NKAIN2: variants seen among roughly 807,000 people sequenced by gnomAD.
The protein encoded by NKAIN2 is sodium/potassium transporting ATPase interacting 2, also known as sodium/potassium-transporting ATPase subunit beta-1-interacting protein 2.
A neutral mutation model predicts 32.6 loss-of-function variants in NKAIN2; 14 were observed. That is an observed-to-expected ratio of 0.43 (90% CI 0.28 to 0.67). The LOEUF (loss-of-function observed/expected upper bound fraction) is 0.67. Among genes scored for constraint, NKAIN2 ranks in the 30% least tolerant of loss-of-function variants. The probability of loss-of-function intolerance (pLI) is 0.17; values close to 1 mark genes in which losing one functional copy is unlikely to be tolerated. For missense variants in NKAIN2, 198 were observed against 258.3 expected, an observed-to-expected ratio of 0.77 and a Z score of 1.60; for synonymous variants, 80 against 87.2, an observed-to-expected ratio of 0.92 and a Z score of 0.46.
intron 1 of NKAIN2, among the ~76,000 whole-genome samples, chr6:124,210,753 G>A (rs952645128): frequency 6.6e-6 from 1 of 150,588 alleles, no homozygotes; most frequent in Non-Finnish European, 1.5e-5. Context: ...ATTGACCACT[G>A]CTGGCATATA....
intron 1 of NKAIN2, among the ~76,000 whole-genome samples, chr6:124,057,008 A>C (rs1782685195): frequency 6.6e-6 from 1 of 152,084 alleles, no homozygotes; most frequent in African/African-American, 2.4e-5. Flanking sequence ...ATACCTTCCA[A>C]TTAATTTGTT....
chr6:124,533,988 A>G (rs1779623093), intron 3 of NKAIN2, among the ~76,000 whole-genome samples: 1 of 152,130 alleles, frequency 6.6e-6, no homozygotes, highest in African/African-American at 2.4e-5. Flanking sequence ...TCACCTCCCA[A>G]AGATCCACTT....
Position 124,134,940 on chromosome 6 carries a change from A to G in NKAIN2, c.55-148065A>G, listed in dbSNP as rs552715605. Among the ~76,000 whole-genome samples, 154 of 152,302 alleles carry G rather than the reference A, an allele frequency of 1.0e-3. 1 individual carries two copies. Among genetic ancestry groups the G allele is most frequent in the Non-Finnish European group, 1.9e-3 (128 of 68,024 alleles). On this transcript the variant is annotated intron_variant, in intron 1 of 6. Coordinates refer to ENST00000368417, the MANE Select transcript of NKAIN2 (RefSeq NM_001040214.3). ...AAGGAAACCCTATCAGATTAACCGC[A>G]GATTTCTAGGCAGAAGTCCTAAAGT...
At chr6:124,295,474 T>G (rs73773720) in intron 2 of NKAIN2, among the ~76,000 whole-genome samples, 2,082 of 152,262 alleles carry the variant, frequency 0.014, 36 homozygotes, top group African/African-American at 0.047. Context: ...TCTAGAATAA[T>G]GGCTTGAACC....
chr6:123,895,948 C>G (rs1774259441), intron 1 of NKAIN2, among the ~76,000 whole-genome samples: 1 of 152,188 alleles, frequency 6.6e-6, no homozygotes, highest in Non-Finnish European at 1.5e-5. Context: ...TAAATCATCT[C>G]AAGCTGCTGC....
chr6:123,917,075 T>C (rs1354329256), intron 1 of NKAIN2, among the ~76,000 whole-genome samples: 1 of 152,134 alleles, frequency 6.6e-6, no homozygotes, highest in Admixed American at 6.6e-5. Flanking sequence ...TTAGAACATG[T>C]GGAGCTTTTG....
chr6:124,574,006 T>G (rs1196884414), intron 3 of NKAIN2, among the ~76,000 whole-genome samples: 2 of 152,128 alleles, frequency 1.3e-5, no homozygotes, highest in African/African-American at 4.8e-5. Flanking sequence ...TTCCTTCTGC[T>G]TGGATAAAAA....
At chr6:123,956,969 T>C (rs1777622077) in intron 1 of NKAIN2, among the ~76,000 whole-genome samples, 1 of 152,174 alleles carries the variant, frequency 6.6e-6, no homozygotes, top group South Asian at 2.1e-4. Context: ...AGATTTGTTA[T>C]AAAGGTAAGC....
At chr6:124,259,160 C>T (rs1366586501) in intron 1 of NKAIN2, among the ~76,000 whole-genome samples, 1 of 152,142 alleles carries the variant, frequency 6.6e-6, no homozygotes, top group Non-Finnish European at 1.5e-5. Flanking sequence ...GATTCTGTAC[C>T]ATATGTGGCA....
At chr6:124,276,539 T>C (rs1414713771) in intron 1 of NKAIN2, among the ~76,000 whole-genome samples, 1 of 152,134 alleles carries the variant, frequency 6.6e-6, no homozygotes, top group South Asian at 2.1e-4. Context: ...AAAACAAAAT[T>C]ATATCTAGTA....
At chr6:124,545,588 C>T (rs1780066594) in intron 3 of NKAIN2, among the ~76,000 whole-genome samples, 1 of 151,668 alleles carries the variant, frequency 6.6e-6, no homozygotes, top group Non-Finnish European at 1.5e-5. Context: ...ATCTTTTTCT[C>T]CATTTTCCAA....
intron 3 of NKAIN2, among the ~76,000 whole-genome samples, chr6:124,487,992 G>A (rs890190577): frequency 3.3e-5 from 5 of 151,928 alleles, no homozygotes; most frequent in Non-Finnish European, 7.4e-5. Context: ...TTACGTTCTT[G>A]GTGTTAATGA....
chr6:124,242,579 A>G (rs1793162462), intron 1 of NKAIN2, among the ~76,000 whole-genome samples: 1 of 152,202 alleles, frequency 6.6e-6, no homozygotes, highest in Admixed American at 6.6e-5. Flanking sequence ...ATTCTACTAT[A>G]AAGACACATG....
At chr6:124,415,646 C>G (rs186830041) in intron 3 of NKAIN2, among the ~76,000 whole-genome samples, 63 of 152,174 alleles carry the variant, frequency 4.1e-4, no homozygotes, top group African/African-American at 1.5e-3. Context: ...AAGTCTCAAT[C>G]CTCTATTCCT....
chr6:124,721,939 A>G (rs544633962), intron 4 of NKAIN2, among the ~76,000 whole-genome samples: 1 of 152,334 alleles, frequency 6.6e-6, no homozygotes, highest in African/African-American at 2.4e-5. Context: ...TTTTGTCTGT[A>G]AAACTGAAAT....
intron 2 of NKAIN2, among the ~76,000 whole-genome samples, chr6:124,344,013 G>A (rs1798276018): frequency 1.3e-5 from 2 of 152,182 alleles, no homozygotes; most frequent in Admixed American, 1.3e-4. Flanking sequence ...TTTGTATAAG[G>A]TATAAGGAAG....
intron 1 of NKAIN2, among the ~76,000 whole-genome samples, chr6:123,816,971 G>A (rs1773719192): frequency 6.6e-6 from 1 of 152,132 alleles, no homozygotes. Context: ...GGAAATAAGA[G>A]ACCTAAGAGG....
At chr6:124,269,229 C>A (rs1437545179) in intron 1 of NKAIN2, among the ~76,000 whole-genome samples, 1 of 152,080 alleles carries the variant, frequency 6.6e-6, no homozygotes, top group Non-Finnish European at 1.5e-5. Context: ...CCTCTGTCAA[C>A]AGGAAAACAA....
At chr6:123,888,743 A>G (rs141673704) in intron 1 of NKAIN2, among the ~76,000 whole-genome samples, 15 of 152,218 alleles carry the variant, frequency 9.9e-5, no homozygotes, top group East Asian at 5.8e-4. Flanking sequence ...TAATCCCTAT[A>G]TATTTATTCC....
Sources: gnomAD v4.1 joint callset for allele counts (sites outside exome capture counted in the v4.1 genomes callset) on GRCh38, gnomAD v4.1.1 for gene constraint, MANE v1.5 for transcripts, NCBI Gene and HGNC (gene_info 2026-07-23, HGNC 2026-07-21) for gene names.